PEAK1: variants seen among roughly 807,000 people sequenced by gnomAD.
PEAK1 encodes inactive tyrosine-protein kinase PEAK1.
PEAK1 carries 54 observed loss-of-function variants against 124.7 expected under a neutral mutation model. The ratio of observed to expected loss-of-function variants is 0.43; its 90% CI spans 0.35 to 0.54. The LOEUF (loss-of-function observed/expected upper bound fraction) is 0.54, where lower values mean the gene tolerates loss of function less well. PEAK1 is among the 20% of genes least tolerant of loss of function. The pLI is 0.01. For synonymous variants in PEAK1, 719 were observed against 760.0 expected, an observed-to-expected ratio of 0.95 and a Z score of 0.89; for missense variants, 2,046 against 2,134.5, an observed-to-expected ratio of 0.96 and a Z score of 0.82.
At chr15:77,411,149 TA>T (rs34437015) in intron 1 of PEAK1, among the ~76,000 whole-genome samples, 11,942 of 142,580 alleles carry the variant, frequency 0.084, 546 homozygotes, top group Non-Finnish European at 0.11. Flanking sequence ...AAGAAATAGT[TA>T]AAAAAAAAAA....
Position 77,218,389 on chromosome 15 carries a change from G to GT in PEAK1, c.-115+33977dup, listed in dbSNP as rs1002117973. Among the ~76,000 whole-genome samples the GT allele has an allele frequency of 3.6e-3, 527 of 147,030 alleles. 1 individual carries two copies. Among genetic ancestry groups the GT allele is most frequent in the African/African-American group, 0.012 (472 of 40,268 alleles). Reference sequence around the variant, plus strand: ...TTCTCGCATTTATTGAAATAATCATGTTTTTTTTTTGGTCTCCTATATTCT... The same window carrying GT: ...TTCTCGCATTTATTGAAATAATCATGTTTTTTTTTTTGGTCTCCTATATTCT... On this transcript the variant is annotated intron_variant, in intron 6 of 9. Coordinates refer to ENST00000682557, the MANE Select transcript of PEAK1 (RefSeq NM_001385026.1).
chr15:77,399,842 C>A (rs994602898), intron 1 of PEAK1, among the ~76,000 whole-genome samples: 4 of 152,112 alleles, frequency 2.6e-5, no homozygotes, highest in African/African-American at 9.7e-5. Flanking sequence ...ACAGCTTCTG[C>A]ACAGCAAAGA....
At chr15:77,192,990 T>G (rs941339793) in intron 6 of PEAK1, among the ~76,000 whole-genome samples, 7 of 152,182 alleles carry the variant, frequency 4.6e-5, no homozygotes, top group Admixed American at 6.5e-5. Context: ...CACAGACATA[T>G]TTCACAGAAT....
intron 2 of PEAK1, among the ~76,000 whole-genome samples, chr15:77,295,718 CG>C (rs1431628000): frequency 1.3e-5 from 2 of 152,098 alleles, no homozygotes; most frequent in Non-Finnish European, 2.9e-5. Context: ...CTTATAGTTG[CG>C]GAACATCTAT....
chr15:77,347,349 G>C, intron 2 of PEAK1: 6 of 985,380 alleles, frequency 6.1e-6, no homozygotes, highest in Non-Finnish European at 7.2e-6. Flanking sequence ...AGCATGAGTT[G>C]AGAAATGCCA....
chr15:77,376,063 G>C (rs1275713017), intron 1 of PEAK1, among the ~76,000 whole-genome samples: 1 of 150,458 alleles, frequency 6.6e-6, no homozygotes, highest in Non-Finnish European at 1.5e-5. Context: ...AAAAATAAAT[G>C]AGTTTGATTA....
intron 6 of PEAK1, among the ~76,000 whole-genome samples, chr15:77,196,582 A>G (rs985224364): frequency 6.6e-6 from 1 of 152,186 alleles, no homozygotes; most frequent in East Asian, 1.9e-4. Context: ...AGGCATACAT[A>G]AAACATGGGC....
At chr15:77,346,492 C>T in intron 2 of PEAK1, 2 of 985,394 alleles carry the variant, frequency 2.0e-6, no homozygotes, top group Non-Finnish European at 2.4e-6. Context: ...GCCAATTTTC[C>T]TACCTGCTAA....
At chr15:77,402,168 G>GAAAA (rs34571341) in intron 1 of PEAK1, 49 of 865,368 alleles carry the variant, frequency 5.7e-5, no homozygotes, top group African/African-American at 2.4e-4. Context: ...CTCCACCTCG[G>GAAAA]AAAAAAAAAA....
At chr15:77,265,255 G>T (rs1408768769) in intron 5 of PEAK1, among the ~76,000 whole-genome samples, 2 of 152,132 alleles carry the variant, frequency 1.3e-5, no homozygotes, top group African/African-American at 4.8e-5. Flanking sequence ...ATTGACAAAT[G>T]GGATCTAATT....
intron 2 of PEAK1, among the ~76,000 whole-genome samples, chr15:77,359,664 T>C (rs546756001): frequency 8.6e-5 from 13 of 151,772 alleles, no homozygotes; most frequent in Non-Finnish European, 1.8e-4. Context: ...AATCCAAAAA[T>C]GAAATTAGAA....
intron 6 of PEAK1, among the ~76,000 whole-genome samples, chr15:77,208,459 T>C (rs2058762155): frequency 6.6e-6 from 1 of 152,190 alleles, no homozygotes; most frequent in Non-Finnish European, 1.5e-5. Context: ...CACTAGTATC[T>C]TTGGGAAAAC....
intron 9 of PEAK1, among the ~76,000 whole-genome samples, chr15:77,125,185 C>G (rs1349709423): frequency 6.6e-6 from 1 of 151,874 alleles, no homozygotes; most frequent in Non-Finnish European, 1.5e-5. Flanking sequence ...ATAATAGATG[C>G]TAAGGATATA....
At chr15:77,307,699 T>C (rs1255875144) in intron 2 of PEAK1, among the ~76,000 whole-genome samples, 1 of 152,056 alleles carries the variant, frequency 6.6e-6, no homozygotes, top group Non-Finnish European at 1.5e-5. Context: ...CTGGATCATA[T>C]AGAGTAAATT....
In PEAK1 at chr15:77,108,459, T is replaced by C. The variant is rs1041772551; in HGVS notation, c.*5697A>G. 1 of 152,232 alleles carries C rather than the reference T, an allele frequency of 6.6e-6. No homozygotes were observed. Among genetic ancestry groups the C allele is most frequent in the Middle Eastern group, 3.2e-3 (1 of 316 alleles). 9.4% of individuals were successfully genotyped at this position (152,232 alleles called of 1,614,324 possible). A position where few individuals can be genotyped will look rare whatever the true frequency, so the allele number is the denominator to read the frequency against. On this transcript the variant is annotated 3_prime_UTR_variant, in exon 10 of 10. Coordinates refer to ENST00000682557, the MANE Select transcript of PEAK1 (RefSeq NM_001385026.1). ...AAATCTTGCTTCTGTATTTGCCTCA[T>C]GCCAAAATGCCCTGCATATCCTCAA...
rs555509477 is a variant in PEAK1, at chr15:77,382,789, T to G, written c.-665-17564A>C. Among the ~76,000 whole-genome samples, 13 of 152,270 alleles carry G rather than the reference T, an allele frequency of 8.5e-5. No homozygotes were observed. In the South Asian group the frequency reaches 2.5e-3, roughly 29 times the overall value. On this transcript the variant is annotated intron_variant, in intron 1 of 9. Coordinates refer to ENST00000682557, the MANE Select transcript of PEAK1 (RefSeq NM_001385026.1). ...GCACATTTGGAATATGGCTATTAGC[T>G]TCTTAAAGGGGAATCCAAATGAAAT...
At chr15:77,196,440 G>A (rs2058106616) in intron 6 of PEAK1, among the ~76,000 whole-genome samples, 1 of 152,006 alleles carries the variant, frequency 6.6e-6, no homozygotes, top group Non-Finnish European at 1.5e-5. Context: ...TACTATCTTG[G>A]ATCAACATAA....
At chr15:77,245,319 T>C (rs916334999) in intron 6 of PEAK1, among the ~76,000 whole-genome samples, 1 of 151,370 alleles carries the variant, frequency 6.6e-6, no homozygotes, top group Non-Finnish European at 1.5e-5. Context: ...CATGCCACTA[T>C]ACTCTAGCCT....
chr15:77,420,200 C>A (rs62007300), upstream of PEAK1: 591 of 150,164 alleles, frequency 3.9e-3, 4 homozygotes, highest in South Asian at 6.0e-3. Context: ...CGCCTCCTCT[C>A]GGCCCCGCGC....
Sources: allele counts gnomAD v4.1 joint callset (sites outside exome capture counted in the v4.1 genomes callset), GRCh38; gene constraint gnomAD v4.1.1; transcripts MANE v1.5; gene names NCBI Gene and HGNC (gene_info 2026-07-23, HGNC 2026-07-21).